Variants in CCSER2 observed in about 807,000 individuals in gnomAD.
CCSER2 encodes serine-rich coiled-coil domain-containing protein 2.
In CCSER2, 46 loss-of-function variants were observed where a neutral mutation model predicts 92.3. The observed-to-expected ratio is 0.50, with a 90% CI of 0.39 to 0.64. CCSER2 has a LOEUF of 0.64. Ranked by LOEUF, CCSER2 falls within the 30% of genes least tolerant of loss-of-function variation. The pLI is 0.00. For missense variants in CCSER2, 1,244 were observed against 1,238.9 expected, an observed-to-expected ratio of 1.00 and a Z score of -0.06; for synonymous variants, 433 against 431.4, an observed-to-expected ratio of 1.00 and a Z score of -0.04.
chr10:84,337,166 A>G (rs1172723977), intron 1 of CCSER2, among the ~76,000 whole-genome samples: 1 of 152,210 alleles, frequency 6.6e-6, no homozygotes, highest in Non-Finnish European at 1.5e-5. Context: ...ATTAGCAGAG[A>G]GATAGTATGT....
At chr10:84,431,401 A>C (rs1039629665) in intron 5 of CCSER2, among the ~76,000 whole-genome samples, 1 of 152,062 alleles carries the variant, frequency 6.6e-6, no homozygotes, top group Non-Finnish European at 1.5e-5. Flanking sequence ...TCACTTACCA[A>C]AATACATGTA....
intron 1 of CCSER2, among the ~76,000 whole-genome samples, chr10:84,360,960 A>T (rs541205998): frequency 6.6e-6 from 1 of 152,246 alleles, no homozygotes; most frequent in South Asian, 2.1e-4. Context: ...TGTTTCCTCC[A>T]CATGCACTGG....
chr10:84,370,099 G>T (rs766791086), intron 1 of CCSER2, among the ~76,000 whole-genome samples: 4 of 151,474 alleles, frequency 2.6e-5, no homozygotes, highest in Admixed American at 1.3e-4. Flanking sequence ...TCCAGATTTG[G>T]TTTTTTGTTT....
intron 9 of CCSER2, among the ~76,000 whole-genome samples, chr10:84,507,752 T>C (rs182768909): frequency 9.2e-5 from 14 of 152,340 alleles, no homozygotes; most frequent in Non-Finnish European, 1.9e-4. Flanking sequence ...CGTAAAACAG[T>C]AAAGGTGAAC....
chr10:84,415,190 G>A (rs1842832978), intron 3 of CCSER2, among the ~76,000 whole-genome samples: 2 of 152,176 alleles, frequency 1.3e-5, no homozygotes, highest in South Asian at 4.1e-4. Flanking sequence ...GCCCTTGCTG[G>A]AGAAGTGTTG....
chr10:84,466,588 T>C (rs184211817), intron 7 of CCSER2, among the ~76,000 whole-genome samples: 2,250 of 150,972 alleles, frequency 0.015, 56 homozygotes, highest in African/African-American at 0.051. Context: ...CGCTGCAAGC[T>C]CCACTTCCTG....
rs61745697 is a variant in CCSER2 at position 84,371,622 on chromosome 10, G to T, written c.570G>T (p.Ala190=). The T allele has an allele frequency of 6.2e-7, 1 of 1,613,530 alleles. No individual in the cohort carries two copies. The highest frequency in any genetic ancestry group is 8.5e-7 in the Non-Finnish European group (1 of 1,179,664). ...CTGGTAGCATGCAAAGGCCTAGAGC[G>T]AACTCCTGTGCCACCAGAAGCAGTT... ...RSAGSMQRPR[A]NSCATRSSSG... Residue 190 remains alanine (A), a synonymous_variant, in exon 2 of 10, where the codon GCG becomes GCT. Transcript: ENST00000372088.
intron 1 of CCSER2, among the ~76,000 whole-genome samples, chr10:84,353,616 TTAGG>T (rs1300307633): frequency 2.6e-5 from 4 of 152,162 alleles, no homozygotes; most frequent in Non-Finnish European, 5.9e-5. Flanking sequence ...CAATCCTGAC[TTAGG>T]TGGGTGAATG....
chr10:84,362,977 C>T (rs1408178322), intron 1 of CCSER2, among the ~76,000 whole-genome samples: 1 of 151,530 alleles, frequency 6.6e-6, no homozygotes. Context: ...GCTAGAATTA[C>T]AGGTGCCTGC....
intron 3 of CCSER2, among the ~76,000 whole-genome samples, chr10:84,408,864 C>A (rs185768454): frequency 1.6e-4 from 25 of 152,012 alleles, no homozygotes; most frequent in Non-Finnish European, 1.5e-5. Context: ...CCAAATGTTT[C>A]TTGAGAGGAT....
intron 4 of CCSER2, among the ~76,000 whole-genome samples, chr10:84,421,032 G>A (rs961868515): frequency 2.1e-4 from 32 of 152,138 alleles, no homozygotes; most frequent in African/African-American, 7.0e-4. Context: ...CAGAAGAGTG[G>A]CACCTCACTG....
At chr10:84,376,661 A>G (rs966234320) in intron 3 of CCSER2, among the ~76,000 whole-genome samples, 1 of 151,962 alleles carries the variant, frequency 6.6e-6, no homozygotes, top group Non-Finnish European at 1.5e-5. Flanking sequence ...GAAGATTTTG[A>G]TATATGTTTT....
intron 4 of CCSER2, among the ~76,000 whole-genome samples, chr10:84,418,402 C>T (rs746947357): frequency 1.3e-5 from 2 of 152,256 alleles, no homozygotes; most frequent in African/African-American, 4.8e-5. Context: ...GTTCTTTTCA[C>T]TCCAGTGACA....
chr10:84,357,651 C>T (rs7081874), intron 1 of CCSER2, among the ~76,000 whole-genome samples: 17,802 of 152,070 alleles, frequency 0.12, 3,041 homozygotes, highest in African/African-American at 0.38. Context: ...GGGGTTTCAC[C>T]GTGTTAGCCA....
rs1248282927 is a variant in CCSER2 at position 84,417,995 on chromosome 10, G to GT, written c.1705+135dup. ...AGACTGAGAATCAGTCTTAAGTGAG[G>GT]TAAAATAGGTTCATTTGCAAACTAA... On this transcript the variant is annotated intron_variant, in intron 4 of 9. Coordinates refer to ENST00000372088, the MANE Select transcript of CCSER2 (RefSeq NM_001284240.2). 5 of 512,954 alleles carry GT rather than the reference G, an allele frequency of 9.7e-6. No individual in the cohort carries two copies. In the Admixed American group the frequency reaches 1.0e-4, roughly 11 times the overall value. 31.8% of individuals were successfully genotyped at this position (512,954 alleles called of 1,614,324 possible). A position where few individuals can be genotyped will look rare whatever the true frequency, so the allele number is the denominator to read the frequency against.
intron 3 of CCSER2, among the ~76,000 whole-genome samples, chr10:84,402,180 A>G (rs762776711): frequency 6.6e-6 from 1 of 152,166 alleles, no homozygotes; most frequent in Admixed American, 6.5e-5. Context: ...CATTGAAGCC[A>G]TGTCCACAAT....
chr10:84,363,973 A>G (rs1468880783), intron 1 of CCSER2, among the ~76,000 whole-genome samples: 2 of 152,254 alleles, frequency 1.3e-5, no homozygotes, highest in Non-Finnish European at 2.9e-5. Context: ...AAACCTGTAC[A>G]GCATATTACT....
At chr10:84,457,328 TAATATATTATATA>T (rs1564685109) in intron 6 of CCSER2, among the ~76,000 whole-genome samples, 1,890 of 59,598 alleles carry the variant, frequency 0.032, 82 homozygotes, top group African/African-American at 0.09. Context: ...ATATTATATA[TAATATATTATATA>T]TTATATATAA....
Position 84,457,285 on chromosome 10 carries a change from ATTATATATTATATATAATATG to A in CCSER2, c.2065-6639_2065-6619del, listed in dbSNP as rs1176369038. 1.8e-4 allele frequency among the ~76,000 whole-genome samples: 14 copies of A among 79,376 alleles called. 1 individual carries two copies. Among genetic ancestry groups the A allele is most frequent in the Admixed American group, 2.2e-4 (1 of 4,560 alleles). The allele number at this position is 79,376 out of a possible 152,430, so 52.1% of individuals were successfully genotyped here. A position where few individuals can be genotyped will look rare whatever the true frequency, so the allele number is the denominator to read the frequency against. ...ATATATTATATATAATATATTATAT[ATTATATATTATATATAATATG>A]TTATATATAATATATTATATATAAT... On this transcript the variant is annotated intron_variant, in intron 6 of 9. Coordinates refer to ENST00000372088, the MANE Select transcript of CCSER2 (RefSeq NM_001284240.2).
Sources: gnomAD v4.1 joint callset for allele counts (sites outside exome capture counted in the v4.1 genomes callset) on GRCh38, gnomAD v4.1.1 for gene constraint, MANE v1.5 for transcripts, NCBI Gene and HGNC (gene_info 2026-07-23, HGNC 2026-07-21) for gene names.